The following CDK5RAP2 variants were observed in gnomAD, a reference collection of about 807,000 sequenced individuals.
CDK5RAP2 encodes the protein CDK5 regulatory subunit-associated protein 2.
CDK5RAP2 carries 147 observed loss-of-function variants against 232.9 expected under a neutral mutation model. That is an observed-to-expected ratio of 0.63 (90% CI 0.55 to 0.72). The LOEUF is 0.72. CDK5RAP2 is among the 30% of genes least tolerant of loss of function. The probability of loss-of-function intolerance (pLI) is 0.00; values close to 1 mark genes in which losing one functional copy is unlikely to be tolerated. For synonymous variants in CDK5RAP2, 833 were observed against 833.7 expected (o/e 1.00, Z 0.01); for missense variants, 2,195 against 2,231.5 (o/e 0.98, Z 0.33).
At position 120,439,527 on chromosome 9, in the gene CDK5RAP2, C is replaced by T. The variant is rs2035776121; in HGVS notation, c.3594G>A (p.Val1198=). The change falls in exon 24 of 38, where the codon GTG becomes GTA. Residue 1198 remains valine, a synonymous_variant. Transcript: ENST00000349780. ...PLAPEMIDSR[V]LENLKQQLEE... is the part of the protein sequence containing the mutation. Reference sequence around the variant, plus strand: ...CCAGCTGCTGTTTGAGGTTCTCCAGCACCCTGCTGTCAATCATCTCTGGGG... The same window carrying T: ...CCAGCTGCTGTTTGAGGTTCTCCAGTACCCTGCTGTCAATCATCTCTGGGG... 6.2e-7 allele frequency: 1 copy of T among 1,614,128 alleles called. No individual in the cohort carries two copies. The highest frequency in any genetic ancestry group is 1.3e-5 in the African/African-American group (1 of 74,952).
At chr9:120,424,977 G>A (rs994377477) in intron 25 of CDK5RAP2, among the ~76,000 whole-genome samples, 5 of 152,118 alleles carry the variant, frequency 3.3e-5, no homozygotes, top group Admixed American at 1.3e-4. Context: ...GATTACAGGC[G>A]TGAGCCACTG....
intron 19 of CDK5RAP2, 104 bp from the exon 20 acceptor site, chr9:120,458,726 C>T (rs2131442216): frequency 3.0e-6 from 3 of 1,015,032 alleles, no homozygotes; most frequent in Admixed American, 1.8e-5. Flanking sequence ...TGAAAATAAG[C>T]CAGACACACT....
rs74970279 is a variant in CDK5RAP2 at position 120,493,215 on chromosome 9, C to T, written c.1312-1738G>A. On this transcript the variant is annotated intron_variant, in intron 12 of 37. Coordinates refer to ENST00000349780, the MANE Select transcript of CDK5RAP2 (RefSeq NM_018249.6). ...CAGGAGGAATGCAGCCCTGCCGACA[C>T]CTTGATTTTAGTCCAGTGGGACCCA... Among the ~76,000 whole-genome samples the T allele has an allele frequency of 7.2e-5, 11 of 152,334 alleles. No homozygotes were observed. The East Asian group carries it at 1.7e-3, about 24-fold the overall frequency.
At position 120,580,016 on chromosome 9, in the gene CDK5RAP2, G is replaced by A. The variant is rs1689500504; in HGVS notation, c.-38C>T. 7.1e-7 allele frequency: 1 copy of A among 1,412,252 alleles called. No homozygotes were observed. The highest frequency in any genetic ancestry group is 1.0e-6 in the Non-Finnish European group (1 of 1,000,418). The allele number at this position is 1,412,252 out of a possible 1,614,324, so 87.5% of individuals were successfully genotyped here. A position where few individuals can be genotyped will look rare whatever the true frequency, so the allele number is the denominator to read the frequency against. ...GGCGACAGCGTTGGTGTCTGTGGCGGCGGCGCCACTAGTACCCCCCGCGAT... is the reference window on the plus strand; with the variant it reads ...GGCGACAGCGTTGGTGTCTGTGGCGACGGCGCCACTAGTACCCCCCGCGAT... On this transcript the variant is annotated 5_prime_UTR_variant, in exon 1 of 38. Transcript: ENST00000349780.
intron 32 of CDK5RAP2, 96 bp downstream of exon 32, chr9:120,406,916 C>T: frequency 3.2e-6 from 3 of 942,808 alleles, no homozygotes; most frequent in East Asian, 4.8e-5. Flanking sequence ...TGGAAAGACA[C>T]CTCTGTGGGG....
At chr9:120,510,257 G>T (rs1034195567) in intron 12 of CDK5RAP2, among the ~76,000 whole-genome samples, 2 of 152,142 alleles carry the variant, frequency 1.3e-5, no homozygotes, top group African/African-American at 4.8e-5. Flanking sequence ...TGACCGGTAC[G>T]ACTTTAATTA....
intron 22 of CDK5RAP2, among the ~76,000 whole-genome samples, chr9:120,446,303 T>C (rs1040785047): frequency 6.6e-6 from 1 of 152,158 alleles, no homozygotes; most frequent in African/African-American, 2.4e-5. Flanking sequence ...GTCTGCTCAC[T>C]GCAACCTCCA....
At chr9:120,493,960 C>T (rs1045765460) in intron 12 of CDK5RAP2, among the ~76,000 whole-genome samples, 1 of 152,008 alleles carries the variant, frequency 6.6e-6, no homozygotes, top group Non-Finnish European at 1.5e-5. Context: ...GGCATGGTGG[C>T]ACATGCCAAT....
chr9:120,427,956 T>A (rs1003433271), intron 25 of CDK5RAP2, among the ~76,000 whole-genome samples: 2 of 152,028 alleles, frequency 1.3e-5, no homozygotes, highest in African/African-American at 2.4e-5. Context: ...AGAAACTCAC[T>A]CAAAACCGCT....
In CDK5RAP2 at chr9:120,518,533, T is replaced by C. The variant is rs756699182; in HGVS notation, c.1205A>G (p.Lys402Arg). ...GTCACTCAGCTCCTGGGTGATCTTC[T>C]TAATGCTTCTACGCAGTCTGTGGTT... is the stretch of plus-strand genomic sequence containing the variant. ...TENHRLRRSI[K>R]KITQELSDLQ... Residue 402 changes from lysine (K) to arginine (R), a missense_variant, in exon 12 of 38, where the codon AAG becomes AGG. Lys to Arg is a conservative substitution (Grantham distance 26). Coordinates refer to ENST00000349780, the MANE Select transcript of CDK5RAP2 (RefSeq NM_018249.6). 2.5e-6 allele frequency: 4 copies of C among 1,613,858 alleles called. No individual in the cohort carries two copies. The highest frequency in any genetic ancestry group is 2.2e-5 in the South Asian group (2 of 90,996).
chr9:120,570,143 G>A (rs1415565774), intron 2 of CDK5RAP2, among the ~76,000 whole-genome samples: 2 of 152,134 alleles, frequency 1.3e-5, no homozygotes, highest in Admixed American at 6.5e-5. Flanking sequence ...GAGTGGGCAT[G>A]GTGTTCGGAA....
intron 35 of CDK5RAP2, among the ~76,000 whole-genome samples, chr9:120,397,398 A>ATT (rs879705923): frequency 6.8e-6 from 1 of 146,916 alleles, no homozygotes; most frequent in African/African-American, 2.5e-5. Flanking sequence ...TCTCTAGAAG[A>ATT]TTTTTTTTTT....
Position 120,491,405 on chromosome 9 carries a change from T to G in CDK5RAP2, c.1384A>C (p.Lys462Gln). The part of the protein sequence containing the change: ...EREKAMENRY[K>Q]SLLSESNKKL... Reference sequence around the variant, plus strand: ...TTATTGCTTTCACTCAGAAGACTCTTGTAACGATTTTCCATTGCTTTCTCT... The same window carrying G: ...TTATTGCTTTCACTCAGAAGACTCTGGTAACGATTTTCCATTGCTTTCTCT... The change falls in exon 13 of 38, where the codon AAG (lysine) becomes CAG (glutamine). Residue 462 changes from lysine (K) to glutamine (Q), a missense_variant. Physicochemically the swap from Lys to Gln is moderately conservative, Grantham distance 53. Transcript: ENST00000349780. The G allele has an allele frequency of 6.2e-7, 1 of 1,612,402 alleles. No homozygotes were observed. Among genetic ancestry groups the G allele is most frequent in the Non-Finnish European group, 8.5e-7 (1 of 1,178,896 alleles).
chr9:120,545,672 G>A, intron 5 of CDK5RAP2, 42 bp downstream of exon 5: 2 of 1,473,050 alleles, frequency 1.4e-6, no homozygotes, highest in South Asian at 1.1e-5. Context: ...GACCAACCCA[G>A]TGTGGGCGAC....
intron 12 of CDK5RAP2, among the ~76,000 whole-genome samples, chr9:120,492,938 T>TA (rs2038979521): frequency 6.6e-6 from 1 of 152,194 alleles, no homozygotes. Flanking sequence ...TTTCTTTCAC[T>TA]AAAAAAGCCT....
intron 16 of CDK5RAP2, 41 bp from the exon 17 acceptor site, chr9:120,470,261 G>A: frequency 1.0e-6 from 1 of 953,934 alleles, no homozygotes; most frequent in Non-Finnish European, 1.6e-6. Flanking sequence ...AGGGGGAGGA[G>A]AAAAAGAATA....
intron 12 of CDK5RAP2, among the ~76,000 whole-genome samples, chr9:120,513,429 C>T (rs2040184729): frequency 6.6e-6 from 1 of 152,218 alleles, no homozygotes; most frequent in African/African-American, 2.4e-5. Context: ...CACAAGCCAA[C>T]TTCTCTCGGG....
At chr9:120,413,921 A>G (rs1389436942) in intron 28 of CDK5RAP2, among the ~76,000 whole-genome samples, 1 of 152,158 alleles carries the variant, frequency 6.6e-6, no homozygotes, top group African/African-American at 2.4e-5. Flanking sequence ...TACTTGGGAA[A>G]GATGTCCCTC....
chr9:120,432,242 A>G (rs1350455351), intron 25 of CDK5RAP2, among the ~76,000 whole-genome samples: 7 of 152,234 alleles, frequency 4.6e-5, no homozygotes, highest in Non-Finnish European at 1.0e-4. Flanking sequence ...TACAATGTAT[A>G]CTTATTATCT....
Sources: allele counts gnomAD v4.1 joint callset (sites outside exome capture counted in the v4.1 genomes callset), GRCh38; gene constraint gnomAD v4.1.1; transcripts MANE v1.5; gene names NCBI Gene and HGNC (gene_info 2026-07-23, HGNC 2026-07-21).